Variants in ZNF677 observed in about 807,000 individuals in gnomAD.
ZNF677 encodes the protein hypothetical protein MGC48625.
ZNF677 carries 5 observed loss-of-function variants against 8.1 expected under a neutral mutation model. The ratio of observed to expected loss-of-function variants is 0.62; its 90% CI spans 0.32 to 1.29. The LOEUF is 1.29. ZNF677 is among the 50% of genes most tolerant of loss of function. ZNF677 has a pLI of 0.05. For synonymous variants in ZNF677, 221 were observed against 225.6 expected (o/e 0.98, Z 0.18); for missense variants, 685 against 685.9 (o/e 1.00, Z 0.01).
intron 3 of ZNF677, 51 bp downstream of exon 3, chr19:53,251,485 G>T: frequency 6.6e-7 from 1 of 1,511,740 alleles, no homozygotes; most frequent in Non-Finnish European, 9.2e-7. Flanking sequence ...CCAAAATATG[G>T]CATTTCAGGA....
chr19:53,254,797 C>T (rs1218975222), intron 1 of ZNF677, 37 bp downstream of exon 1: 1 of 152,772 alleles, frequency 6.5e-6, no homozygotes, highest in African/African-American at 2.4e-5. Context: ...CTGTGGCCCG[C>T]GAGGCGCAGG....
intron 2 of ZNF677, among the ~76,000 whole-genome samples, chr19:53,252,209 G>C (rs2091246329): frequency 6.6e-6 from 1 of 152,162 alleles, no homozygotes; most frequent in East Asian, 1.9e-4. Flanking sequence ...GGAGGTCTCA[G>C]AGTCATTTAA....
chr19:53,237,361 C>T lies in ZNF677; in HGVS notation c.1366G>A (p.Glu456Lys). 4 of 1,613,624 alleles carry T rather than the reference C, an allele frequency of 2.5e-6. No homozygotes were observed. Among genetic ancestry groups the T allele is most frequent in the Non-Finnish European group, 3.4e-6 (4 of 1,179,920 alleles). ...CATTTATTACATTTGTAAGGTTTTT[C>T]TCCAGTGTGAATTCTCTGATGTTCC... Reference protein sequence around the residue: ...LVEHQRIHTGEKPYKCNKCDK... With the variant: ...LVEHQRIHTGKKPYKCNKCDK... Residue 456 changes from glutamate (E) to lysine (K), a missense_variant, in exon 5 of 5, where the codon GAA (glutamate) becomes AAA (lysine). Coordinates refer to ENST00000598513, the MANE Select transcript of ZNF677 (RefSeq NM_182609.4).
intron 1 of ZNF677, chr19:53,254,568 G>C (rs906564799): frequency 6.6e-6 from 1 of 152,268 alleles, no homozygotes; most frequent in Non-Finnish European, 1.5e-5. Context: ...GCAGAGAAAC[G>C]ACGCGGTGGG....
intron 1 of ZNF677, among the ~76,000 whole-genome samples, chr19:53,253,795 A>C (rs757030750): frequency 6.6e-6 from 1 of 152,254 alleles, no homozygotes; most frequent in African/African-American, 2.4e-5. Context: ...TAAATCCAAT[A>C]AATTATGGAA....
In ZNF677 at chr19:53,238,001, C is replaced by T; in HGVS notation, c.726G>A (p.Lys242=). ...TATGTAATAAAGGGTATTTCAAAAT[C>T]TTCCTATATTTATTACAAATGTTTT... ...CVKNICNKYR[K]ILKYPLLHTQ... The change falls in exon 5 of 5, where the codon AAG becomes AAA. Residue 242 remains lysine (K), a synonymous_variant. Transcript: ENST00000598513. 1 of 1,613,202 alleles carries T rather than the reference C, an allele frequency of 6.2e-7. No individual in the cohort carries two copies. Among genetic ancestry groups the T allele is most frequent in the Non-Finnish European group, 8.5e-7 (1 of 1,179,802 alleles).
At chr19:53,246,666 G>A (rs1260200472) in intron 3 of ZNF677, among the ~76,000 whole-genome samples, 1 of 152,094 alleles carries the variant, frequency 6.6e-6, no homozygotes, top group Non-Finnish European at 1.5e-5. Context: ...CCACTTATAT[G>A]AGGAACTGAA....
At chr19:53,241,632 GGA>G (rs2091051020) in intron 4 of ZNF677, 1 of 384,074 alleles carries the variant, frequency 2.6e-6, no homozygotes, top group African/African-American at 2.1e-5. Flanking sequence ...ACTGCCCTTG[GGA>G]GACACTGGAA....
chr19:53,247,041 A>C (rs1180235909), intron 3 of ZNF677, among the ~76,000 whole-genome samples: 1 of 152,192 alleles, frequency 6.6e-6, no homozygotes, highest in Non-Finnish European at 1.5e-5. Flanking sequence ...TACCTCAATA[A>C]GGAAGTTAAA....
In ZNF677 at chr19:53,238,562, A is replaced by C; in HGVS notation, c.170-5T>G. 1 of 1,531,850 alleles carries C rather than the reference A, an allele frequency of 6.5e-7. No homozygotes were observed. The highest frequency in any genetic ancestry group is 8.7e-7 in the Non-Finnish European group (1 of 1,149,242). The allele number at this position is 1,531,850 out of a possible 1,614,324, so 94.9% of individuals were successfully genotyped here. On this transcript the variant is annotated splice_polypyrimidine_tract_variant and splice_region_variant and intron_variant, in intron 4 of 4. Coordinates refer to ENST00000598513, the MANE Select transcript of ZNF677 (RefSeq NM_182609.4). ...TTGTAAATCCAACAGAAATATCTGA[A>C]AGATATTAAAAAAACCACAGGCTTT...
chr19:53,241,946 TTC>T, intron 4 of ZNF677: 1 of 394,938 alleles, frequency 2.5e-6, no homozygotes, highest in Non-Finnish European at 4.4e-6. Flanking sequence ...TTTTTTTTTT[TTC>T]GAGATGGAGT....
At chr19:53,247,123 T>C (rs1412962110) in intron 3 of ZNF677, among the ~76,000 whole-genome samples, 1 of 152,226 alleles carries the variant, frequency 6.6e-6, no homozygotes, top group Admixed American at 6.5e-5. Context: ...GGTGTGAGAA[T>C]AGTTTTATAA....
intron 3 of ZNF677, among the ~76,000 whole-genome samples, chr19:53,246,102 C>A (rs10419854): frequency 6.6e-6 from 1 of 151,790 alleles, no homozygotes; most frequent in East Asian, 1.9e-4. Flanking sequence ...ATGGATCACA[C>A]GGTCAGGAGA....
chr19:53,237,148 A>G lies in ZNF677; in HGVS notation c.1579T>C (p.Phe527Leu). Residue 527 changes from phenylalanine (F) to leucine (L), a missense_variant, in exon 5 of 5, where the codon TTT (phenylalanine) becomes CTT (leucine). Coordinates refer to ENST00000598513, the MANE Select transcript of ZNF677 (RefSeq NM_182609.4). ...CTECGKAFTQ[F>L]ANLTRHQKIH... is the part of the protein sequence containing the mutation. ...TTCTGGTGTCTAGTGAGGTTTGCAA[A>G]TTGGGTAAAAGCTTTGCCACATTCA... 1.2e-6 allele frequency: 2 copies of G among 1,613,540 alleles called. No individual in the cohort carries two copies. Among genetic ancestry groups the G allele is most frequent in the Non-Finnish European group, 1.7e-6 (2 of 1,179,860 alleles).
chr19:53,253,451 A>G (rs2091265763), intron 1 of ZNF677, among the ~76,000 whole-genome samples: 1 of 151,918 alleles, frequency 6.6e-6, no homozygotes, highest in Non-Finnish European at 1.5e-5. Flanking sequence ...CAGTGCTTTG[A>G]GAGGCGGAGA....
Position 53,237,733 on chromosome 19 carries a change from A to G in ZNF677, c.994T>C (p.Ser332Pro). ...NICGKVCSQN[S>P]NLASHQRMHT... is the part of the protein sequence containing the mutation. The stretch of plus-strand genomic sequence containing the variant: ...ATCCTCTGATGACTTGCAAGATTTG[A>G]ATTTTGACTACAGACCTTGCCACAT... Residue 332 changes from serine to proline, a missense_variant, in exon 5 of 5, where the codon TCA becomes CCA. Transcript: ENST00000598513. 1 of 1,613,778 alleles carries G rather than the reference A, an allele frequency of 6.2e-7. No individual in the cohort carries two copies. The highest frequency in any genetic ancestry group is 8.5e-7 in the Non-Finnish European group (1 of 1,179,866).
In ZNF677 at chr19:53,236,247, G is replaced by A. The variant is rs1186464495; in HGVS notation, c.*725C>T. 1 of 152,062 alleles carries A rather than the reference G, an allele frequency of 6.6e-6. No individual in the cohort carries two copies. The highest frequency in any genetic ancestry group is 1.5e-5 in the Non-Finnish European group (1 of 68,020). 9.4% of individuals were successfully genotyped at this position (152,062 alleles called of 1,614,324 possible). On this transcript the variant is annotated 3_prime_UTR_variant, in exon 5 of 5. Coordinates refer to ENST00000598513, the MANE Select transcript of ZNF677 (RefSeq NM_182609.4). ...GTGTTCTTGCTTTTTCCAGGTTTCA[G>A]TAATATAAAGAAGCCACACCTAAGG... is the stretch of plus-strand genomic sequence containing the variant.
intron 4 of ZNF677, 183 bp downstream of exon 4, chr19:53,243,561 A>C: frequency 4.1e-6 from 3 of 723,744 alleles, no homozygotes; most frequent in Non-Finnish European, 6.6e-6. Flanking sequence ...AAACCTGATT[A>C]TGCGCAGAAC....
At position 53,250,128 on chromosome 19, in the gene ZNF677, T is replaced by G. The variant is rs181749736; in HGVS notation, c.15+1408A>C. ...CTCAGGTGATCCACCCGTCTCAGCC[T>G]CCCAAAGTGCTGGGATTACAGGTGT... On this transcript the variant is annotated intron_variant, in intron 3 of 4. Coordinates refer to ENST00000598513, the MANE Select transcript of ZNF677 (RefSeq NM_182609.4). Among the ~76,000 whole-genome samples, 827 of 152,230 alleles carry G rather than the reference T, an allele frequency of 5.4e-3. 2 individuals are homozygous for G. The highest frequency in any genetic ancestry group is 0.01 in the Middle Eastern group (3 of 294).
Sources: gnomAD v4.1 joint callset for allele counts (sites outside exome capture counted in the v4.1 genomes callset) on GRCh38, gnomAD v4.1.1 for gene constraint, MANE v1.5 for transcripts, NCBI Gene and HGNC (gene_info 2026-07-23, HGNC 2026-07-21) for gene names.